PRKAG3: variants seen among roughly 807,000 people sequenced by gnomAD.
The protein encoded by PRKAG3 is 5'-AMP-activated protein kinase subunit gamma-3.
In PRKAG3, 39 loss-of-function variants were observed where a neutral mutation model predicts 56.5. The observed-to-expected ratio is 0.69, with a 90% CI of 0.53 to 0.90. PRKAG3 has a LOEUF of 0.90. PRKAG3 is among the 40% of genes least tolerant of loss of function. The pLI, the probability that PRKAG3 is intolerant of heterozygous loss-of-function variation, is 0.00. For synonymous variants in PRKAG3, 243 were observed against 250.1 expected (o/e 0.97, Z 0.27); for missense variants, 628 against 627.5 (o/e 1.00, Z -0.01).
exon 13 of PRKAG3, chr2:218,823,859 A>T: frequency 6.2e-7 from 1 of 1,614,082 alleles, no homozygotes; most frequent in South Asian, 1.1e-5. Flanking sequence ...GGTCTCGTCC[A>T]CTAGCACCAG....
Position 218,827,803 on chromosome 2 carries a change from A to AT in PRKAG3, c.820+29_820+30insA. 1 of 1,327,536 alleles carries AT rather than the reference A, an allele frequency of 7.5e-7. No homozygotes were observed. Among genetic ancestry groups the AT allele is most frequent in the South Asian group, 1.2e-5 (1 of 82,176 alleles). 82.2% of individuals were successfully genotyped at this position (1,327,536 alleles called of 1,614,324 possible). On this transcript the variant is annotated intron_variant, in intron 7 of 12. Transcript: ENST00000529249. This position sits in a 1 kb window ranked among gnomAD's most constrained non-coding sequence, Gnocchi z 5.3. ...TAAGCCCTGGCCCACCATCACCAAC[A>AT]GCCCTTTCCGGGTTCCTCTCCCCAC... is the stretch of plus-strand genomic sequence containing the variant.
chr2:218,823,868 A>G, exon 13 of PRKAG3: 1 of 1,614,056 alleles, frequency 6.2e-7, no homozygotes, highest in Non-Finnish European at 8.5e-7. Context: ...CACTAGCACC[A>G]GCCTGTGTAC....
intron 1 of PRKAG3, 56 bp downstream of exon 1, chr2:218,831,682 C>T (rs370043336): frequency 2.7e-5 from 43 of 1,586,820 alleles, no homozygotes; most frequent in Admixed American, 1.2e-4. Context: ...ACAGCCCGTG[C>T]GCTCAATCTT....
intron 12 of PRKAG3, 93 bp downstream of exon 12, chr2:218,824,129 G>A (rs891662924): frequency 1.3e-5 from 20 of 1,592,236 alleles, no homozygotes; most frequent in Admixed American, 6.8e-5. Context: ...TGGAAGGATA[G>A]GCCAGGTGCC....
chr2:218,825,322 C>T (rs1313110729), intron 10 of PRKAG3, among the ~76,000 whole-genome samples: 1 of 127,254 alleles, frequency 7.9e-6, no homozygotes, highest in African/African-American at 3.3e-5. Flanking sequence ...GGCGACAGAG[C>T]AAGACTCTGT....
intron 10 of PRKAG3, 164 bp downstream of exon 10, chr2:218,826,763 TA>T: frequency 1.2e-6 from 1 of 836,594 alleles, no homozygotes; most frequent in Non-Finnish European, 1.9e-6. Flanking sequence ...ACAGAGAGGC[TA>T]AGCAACTTGC....
chr2:218,826,974 G>C (rs780879078), exon 10 of PRKAG3: 34 of 1,614,094 alleles, frequency 2.1e-5, no homozygotes, highest in Non-Finnish European at 2.7e-5. Context: ...GGTCCACAAA[G>C]ATGTCCAGTG....
chr2:218,824,229 C>A (rs560737590), exon 12 of PRKAG3: 2 of 1,614,040 alleles, frequency 1.2e-6, no homozygotes, highest in Non-Finnish European at 1.7e-6. Flanking sequence ...TACCTGCTCC[C>A]GAGCAATCCT....
chr2:218,829,940 G>A, intron 4 of PRKAG3, 38 bp downstream of exon 4: 2 of 1,598,478 alleles, frequency 1.3e-6, no homozygotes, highest in Non-Finnish European at 1.7e-6. Flanking sequence ...CCGTGTGGAT[G>A]GAGAGTGAGT....
rs148381210 is a variant in PRKAG3, at chr2:218,830,449, C to A, written c.230-68G>T. The stretch of plus-strand genomic sequence containing the variant: ...CAAAGCACGTTCTCATCTGCTGTCG[C>A]CATTCATCTCACAGCAGCAGTGGGA... On this transcript the variant is annotated intron_variant, in intron 3 of 12. Transcript: ENST00000529249. The A allele has an allele frequency of 2.0e-5, 31 of 1,533,214 alleles. No homozygotes were observed. In the African/African-American group the frequency reaches 3.4e-4, roughly 17 times the overall value. 95.0% of individuals were successfully genotyped at this position (1,533,214 alleles called of 1,614,324 possible). A position where few individuals can be genotyped will look rare whatever the true frequency, so the allele number is the denominator to read the frequency against.
Position 218,827,826 on chromosome 2 carries a change from C to A in PRKAG3, c.820+7G>T, listed in dbSNP as rs771431438. The A allele has an allele frequency of 1.2e-6, 2 of 1,613,938 alleles. No individual in the cohort carries two copies. The highest frequency in any genetic ancestry group is 1.7e-6 in the Non-Finnish European group (2 of 1,179,826). ...ACAGCCCTTTCCGGGTTCCTCTCCC[C>A]ACTCACCCCTCCAGGTCTCAATCTT... On this transcript the variant is annotated splice_region_variant and intron_variant, in intron 7 of 12. Coordinates refer to ENST00000529249, the Ensembl canonical transcript of PRKAG3. The surrounding 1 kb of genome is among the most constrained non-coding windows in gnomAD (Gnocchi z 5.3).
Position 218,827,432 on chromosome 2 carries a change from A to C in PRKAG3, c.876-59T>G, listed in dbSNP as rs974992165. On this transcript the variant is annotated intron_variant, in intron 8 of 12. Transcript: ENST00000529249. This position sits in a 1 kb window ranked among gnomAD's most constrained non-coding sequence, Gnocchi z 5.3. ...CCTAGGGAGAGACAACCTCCATCCCAGGCCCCTAAAAAGGAGGGCAGGGCA... is the reference window on the plus strand; with the variant it reads ...CCTAGGGAGAGACAACCTCCATCCCCGGCCCCTAAAAAGGAGGGCAGGGCA... 6.2e-7 allele frequency: 1 copy of C among 1,612,292 alleles called. No homozygotes were observed. The highest frequency in any genetic ancestry group is 1.3e-5 in the African/African-American group (1 of 75,010).
chr2:218,827,279 G>A lies in PRKAG3; in HGVS notation c.970C>T (p.His324Tyr). The change falls in exon 9 of 13, where the codon CAC (histidine) becomes TAC (tyrosine). Residue 324 changes from histidine to tyrosine, a missense_variant. By Grantham distance (83) the His-to-Tyr change is moderately conservative. Transcript: ENST00000529249. The surrounding 1 kb of genome is among the most constrained non-coding windows in gnomAD (Gnocchi z 5.3). ...TGCAGGAACTTGAGCAGGCGTTTGT[G>A]TGTGAGGATGTGGAGTACGTTGCCT... is the stretch of plus-strand genomic sequence containing the variant. 1 of 1,614,230 alleles carries A rather than the reference G, an allele frequency of 6.2e-7. No individual in the cohort carries two copies. The highest frequency in any genetic ancestry group is 8.5e-7 in the Non-Finnish European group (1 of 1,180,040).
At chr2:218,828,061 C>A in exon 6 of PRKAG3, 1 of 1,411,504 alleles carries the variant, frequency 7.1e-7, no homozygotes. Context: ...TGGTCAGCAT[C>A]CCTGCAGGGA....
downstream of PRKAG3, chr2:218,823,076 C>G (rs182377046): frequency 1.0e-6 from 1 of 953,570 alleles, no homozygotes; most frequent in African/African-American, 1.8e-5. Context: ...GCTGAAGAAG[C>G]CTGTGGGGAA....
chr2:218,828,552 G>A (rs1409920064), exon 5 of PRKAG3: 1 of 1,613,744 alleles, frequency 6.2e-7, no homozygotes, highest in Non-Finnish European at 8.5e-7. Flanking sequence ...TCCCATAGAG[G>A]GGCTGCCCGC....
chr2:218,827,835 C>G lies in PRKAG3; in HGVS notation c.818G>C (p.Arg273Thr), dbSNP rs529607400. Residue 273 changes from arginine (R) to threonine (T), a missense_variant and splice_region_variant, in exon 7 of 13, where the codon AGG becomes ACG. Arg to Thr is a moderately conservative substitution (Grantham distance 71). Transcript: ENST00000529249. This position sits in a 1 kb window ranked among gnomAD's most constrained non-coding sequence, Gnocchi z 5.3. The stretch of plus-strand genomic sequence containing the variant: ...TCCGGGTTCCTCTCCCCACTCACCC[C>G]TCCAGGTCTCAATCTTATGTTGTTC... 1.2e-6 allele frequency: 2 copies of G among 1,614,106 alleles called. No homozygotes were observed. Among genetic ancestry groups the G allele is most frequent in the Admixed American group, 3.3e-5 (2 of 60,024 alleles).
chr2:218,828,426 CT>C (rs2105988324), intron 5 of PRKAG3, 92 bp downstream of exon 5: 1 of 1,341,556 alleles, frequency 7.5e-7, no homozygotes, highest in East Asian at 2.5e-5. Flanking sequence ...TGAAGCCAAG[CT>C]TGTGGTATAT....
chr2:218,830,843 G>T (rs2105989869), exon 3 of PRKAG3: 2 of 1,613,862 alleles, frequency 1.2e-6, no homozygotes, highest in Non-Finnish European at 1.7e-6. Flanking sequence ...TTTCTGAGCT[G>T]CTGGTCACAG....
Sources: gnomAD v4.1 joint callset for allele counts (sites outside exome capture counted in the v4.1 genomes callset) on GRCh38, gnomAD v4.1.1 for gene constraint, Gnocchi (gnomAD v3.1) non-coding constraint, MANE v1.5 for transcripts, NCBI Gene and HGNC (gene_info 2026-07-23, HGNC 2026-07-21) for gene names.